Variants in HYDIN observed in about 807,000 individuals in gnomAD.
HYDIN encodes axonemal central pair apparatus protein HYDIN.
In HYDIN, 132 loss-of-function variants were observed where a neutral mutation model predicts 403.9. The ratio of observed to expected loss-of-function variants is 0.33; its 90% confidence interval spans 0.28 to 0.38. HYDIN has a LOEUF of 0.38. Ranked by LOEUF, HYDIN falls within the 10% of genes least tolerant of loss-of-function variation. The pLI is 1.00. For synonymous variants in HYDIN, 1,202 were observed against 1,891.7 expected (o/e 0.64, Z 9.46); for missense variants, 2,827 against 5,009.5 (o/e 0.56, Z 13.15).
chr16:70,979,856 G>A (rs541196719), intron 29 of HYDIN, among the ~76,000 whole-genome samples: 46 of 152,274 alleles, frequency 3.0e-4, no homozygotes, highest in Admixed American at 1.7e-3. Flanking sequence ...CCCTGGAGGT[G>A]GAGGTTGCAG....
chr16:70,851,111 A>G (rs966594499), intron 73 of HYDIN, among the ~76,000 whole-genome samples: 9 of 149,944 alleles, frequency 6.0e-5, no homozygotes, highest in Admixed American at 1.3e-4. Context: ...ACACCATCGT[A>G]GACATCAGCC....
intron 29 of HYDIN, among the ~76,000 whole-genome samples, chr16:70,979,881 G>A (rs1390733905): frequency 1.3e-5 from 2 of 152,110 alleles, no homozygotes; most frequent in Non-Finnish European, 2.9e-5. Flanking sequence ...CTGAGACCCC[G>A]TCACTGAACT....
intron 18 of HYDIN, among the ~76,000 whole-genome samples, chr16:71,053,672 T>TG (rs1253273924): frequency 2.0e-5 from 3 of 146,392 alleles, no homozygotes; most frequent in Admixed American, 1.4e-4. Flanking sequence ...TATAAAAACA[T>TG]GGTTTGGACA....
intron 19 of HYDIN, among the ~76,000 whole-genome samples, chr16:71,030,632 T>C (rs945978279): frequency 1.3e-5 from 2 of 152,160 alleles, no homozygotes; most frequent in African/African-American, 4.8e-5. Context: ...GGTTTTACCA[T>C]GTTGTCCAGG....
At chr16:70,955,827 CT>C (rs34237516) in intron 39 of HYDIN, among the ~76,000 whole-genome samples, 1 of 151,428 alleles carries the variant, frequency 6.6e-6, no homozygotes, top group South Asian at 2.1e-4. Flanking sequence ...TTCTTTTTTT[CT>C]TTTTTTTTGA....
At chr16:70,956,235 C>A in intron 39 of HYDIN, among the ~76,000 whole-genome samples, 1 of 132,974 alleles carries the variant, frequency 7.5e-6, no homozygotes. Flanking sequence ...GATTTCTTTT[C>A]TCATTTCAAG....
chr16:70,989,249 G>A (rs1433049776), intron 25 of HYDIN, among the ~76,000 whole-genome samples: 2 of 151,976 alleles, frequency 1.3e-5, no homozygotes, highest in East Asian at 1.9e-4. Context: ...ATGTTGCCCA[G>A]GCTGGTCTTG....
intron 65 of HYDIN, 68 bp downstream of exon 65, chr16:70,871,969 C>G: frequency 6.8e-7 from 1 of 1,473,136 alleles, no homozygotes; most frequent in Non-Finnish European, 9.2e-7. Context: ...CGGGAAAGGG[C>G]TGACAATCAG....
chr16:70,947,050 G>A (rs960219065), intron 41 of HYDIN, among the ~76,000 whole-genome samples: 2 of 149,986 alleles, frequency 1.3e-5, no homozygotes, highest in Non-Finnish European at 3.0e-5. Context: ...CTGCCTAATT[G>A]CCCTGGCCAG....
rs181227074 is a variant in HYDIN, at chr16:70,991,902, T to C, written c.3785+168A>G. Among the ~76,000 whole-genome samples the C allele has an allele frequency of 5.1e-3, 770 of 152,234 alleles. 9 individuals are homozygous for C. The highest frequency in any genetic ancestry group is 0.018 in the African/African-American group (742 of 41,530). ...TCCCCCAGGACTCATGATGGTACCC[T>C]CTCCCTATCCCAGATGTCTAGTCTG... On this transcript the variant is annotated intron_variant, in intron 24 of 85. Coordinates refer to ENST00000393567, the MANE Select transcript of HYDIN (RefSeq NM_001270974.2).
rs2035683738 is a variant in HYDIN at position 70,814,162 on chromosome 16, A to G, written c.14659-4155T>C. On this transcript the variant is annotated intron_variant, in intron 84 of 85. Coordinates refer to ENST00000393567, the MANE Select transcript of HYDIN (RefSeq NM_001270974.2). ...GCAGCGTAGTTTGGTATCTCCCCAAATCTCCCCACGAAATGCACAGATCTA... is the reference window on the plus strand; with the variant it reads ...GCAGCGTAGTTTGGTATCTCCCCAAGTCTCCCCACGAAATGCACAGATCTA... Among the ~76,000 whole-genome samples the G allele has an allele frequency of 2.0e-5, 3 of 152,268 alleles. No individual in the cohort carries two copies. The South Asian group carries it at 6.2e-4, about 32-fold the overall frequency.
intron 1 of HYDIN, among the ~76,000 whole-genome samples, chr16:71,201,676 T>C (rs983853025): frequency 2.8e-4 from 42 of 152,204 alleles, no homozygotes; most frequent in African/African-American, 7.2e-4. Context: ...GGCAGCCATT[T>C]TGCCCCTAGG....
intron 8 of HYDIN, chr16:71,132,348 T>A (rs1215327423): frequency 9.1e-4 from 11 of 12,140 alleles, no homozygotes; most frequent in African/African-American, 4.1e-3. Context: ...TGTGGTCTGG[T>A]CTGCAGAAGG....
intron 7 of HYDIN, among the ~76,000 whole-genome samples, chr16:71,151,328 C>T (rs919771939): frequency 1.9e-4 from 29 of 151,870 alleles, no homozygotes; most frequent in Admixed American, 9.8e-4. Flanking sequence ...GGCCACTTAA[C>T]CATGGGACCT....
At chr16:70,856,277 C>T (rs1361055448) in intron 72 of HYDIN, among the ~76,000 whole-genome samples, 1 of 106,688 alleles carries the variant, frequency 9.4e-6, no homozygotes, top group Admixed American at 1.1e-4. Context: ...TTTGCTTTTT[C>T]TCTAGAGTCT....
At chr16:70,942,740 T>C (rs1251466594) in intron 42 of HYDIN, among the ~76,000 whole-genome samples, 1 of 152,054 alleles carries the variant, frequency 6.6e-6, no homozygotes, top group Non-Finnish European at 1.5e-5. Context: ...GGCCACATCA[T>C]TCCTTCTCTG....
intron 18 of HYDIN, among the ~76,000 whole-genome samples, chr16:71,033,489 C>T (rs1812578): frequency 6.6e-6 from 1 of 151,980 alleles, no homozygotes; most frequent in Non-Finnish European, 1.5e-5. Flanking sequence ...GGGACATGGA[C>T]GGAACTGGAA....
At chr16:71,203,697 C>T (rs536872261) in intron 1 of HYDIN, 62 of 455,292 alleles carry the variant, frequency 1.4e-4, no homozygotes, top group African/African-American at 1.2e-3. Context: ...TCTTATGAAT[C>T]TCACATTTGA....
rs538526295 is a variant in HYDIN, at chr16:70,883,817, C to T, written c.9979+103G>A. On this transcript the variant is annotated intron_variant, in intron 59 of 85. Coordinates refer to ENST00000393567, the MANE Select transcript of HYDIN (RefSeq NM_001270974.2). The stretch of plus-strand genomic sequence containing the variant: ...AACTCCTGACCTTAGGTGATCTGCC[C>T]GCCTTGGCCTCCCAAAGTGCTGGGA... 72 of 1,389,442 alleles carry T rather than the reference C, an allele frequency of 5.2e-5. No homozygotes were observed. The East Asian group carries it at 1.1e-3, about 21-fold the overall frequency. The allele number at this position is 1,389,442 out of a possible 1,614,324, so 86.1% of individuals were successfully genotyped here.
Sources: gnomAD v4.1 joint callset for allele counts (sites outside exome capture counted in the v4.1 genomes callset) on GRCh38, gnomAD v4.1.1 for gene constraint, MANE v1.5 for transcripts, NCBI Gene and HGNC (gene_info 2026-07-23, HGNC 2026-07-21) for gene names.